The following CREB3L2 variants were observed in gnomAD, a reference collection of about 807,000 sequenced individuals.
CREB3L2 encodes cAMP responsive element binding protein 3 like 2.
A neutral mutation model predicts 57.2 loss-of-function variants in CREB3L2; 23 were observed. The observed-to-expected ratio is 0.40, with a 90% CI of 0.29 to 0.57. The LOEUF (loss-of-function observed/expected upper bound fraction) is 0.57, where lower values mean the gene tolerates loss of function less well. CREB3L2 is among the 20% of genes least tolerant of loss of function. The probability of loss-of-function intolerance (pLI) is 0.42; values close to 1 mark genes in which losing one functional copy is unlikely to be tolerated. For synonymous variants in CREB3L2, 268 were observed against 265.1 expected (o/e 1.01, Z -0.11); for missense variants, 628 against 634.7 (o/e 0.99, Z 0.11).
chr7:137,930,394 A>C (rs1800590332), intron 1 of CREB3L2, among the ~76,000 whole-genome samples: 1 of 152,230 alleles, frequency 6.6e-6, no homozygotes, highest in African/African-American at 2.4e-5. Flanking sequence ...TGGGGTAAGC[A>C]ATACAATTCT....
At chr7:137,894,034 G>A (rs1017401050) in intron 8 of CREB3L2, among the ~76,000 whole-genome samples, 3 of 152,226 alleles carry the variant, frequency 2.0e-5, no homozygotes, top group African/African-American at 7.2e-5. Context: ...GAGAGAGACA[G>A]TCTCTTGGGT....
At chr7:137,985,929 T>C (rs944994798) in intron 1 of CREB3L2, among the ~76,000 whole-genome samples, 5 of 152,194 alleles carry the variant, frequency 3.3e-5, no homozygotes, top group Non-Finnish European at 1.5e-5. Flanking sequence ...GAGGTCTTAT[T>C]CTATTTACTC....
chr7:137,993,917 C>G (rs1039827481), intron 1 of CREB3L2, among the ~76,000 whole-genome samples: 14 of 152,294 alleles, frequency 9.2e-5, no homozygotes, highest in Admixed American at 2.0e-4. Flanking sequence ...GATAAAATGG[C>G]CCATCTTCTC....
intron 1 of CREB3L2, among the ~76,000 whole-genome samples, chr7:137,955,623 C>T (rs778346083): frequency 9.2e-5 from 14 of 152,170 alleles, no homozygotes; most frequent in Non-Finnish European, 1.5e-4. Flanking sequence ...AAATGTAAAT[C>T]TGCAATCTTG....
intron 1 of CREB3L2, among the ~76,000 whole-genome samples, chr7:137,929,050 A>G (rs965687470): frequency 6.6e-6 from 1 of 152,214 alleles, no homozygotes; most frequent in African/African-American, 2.4e-5. Flanking sequence ...GCCATGCTCA[A>G]AAACATTAGA....
intron 8 of CREB3L2, among the ~76,000 whole-genome samples, chr7:137,895,381 G>C (rs1799608500): frequency 6.6e-6 from 1 of 152,180 alleles, no homozygotes; most frequent in South Asian, 2.1e-4. Flanking sequence ...AGGGCCCCCT[G>C]GGAAACCATC....
rs1013607395 is a variant in CREB3L2, at chr7:137,932,873, G to C, written c.103-4507C>G. ...CTGCCAGAGTTTACCACTTAGGTCA[G>C]TGCTCAAAGTTTTATGTGCAGATAA... On this transcript the variant is annotated intron_variant, in intron 1 of 11. Coordinates refer to ENST00000330387, the MANE Select transcript of CREB3L2 (RefSeq NM_194071.4). Among the ~76,000 whole-genome samples, 3 of 152,240 alleles carry C rather than the reference G, an allele frequency of 2.0e-5. No homozygotes were observed. The East Asian group carries it at 5.8e-4, about 29-fold the overall frequency.
intron 1 of CREB3L2, among the ~76,000 whole-genome samples, chr7:137,952,139 C>A (rs1277920061): frequency 6.6e-6 from 1 of 152,170 alleles, no homozygotes; most frequent in Non-Finnish European, 1.5e-5. Context: ...CCATTAATAT[C>A]TCTGAGAAAA....
In CREB3L2 at chr7:137,927,440, G is replaced by A. The variant is rs537874411; in HGVS notation, c.319+710C>T. On this transcript the variant is annotated intron_variant, in intron 2 of 11. Transcript: ENST00000330387. ...AGGGAAGCAAGGGAGGGAGGGGAAA[G>A]GAAGGAGGAAGGGAGAGAGAAAAAG... Among the ~76,000 whole-genome samples, 31 of 150,096 alleles carry A rather than the reference G, an allele frequency of 2.1e-4. No individual in the cohort carries two copies. In the East Asian group the frequency reaches 6.1e-3, roughly 29 times the overall value.
intron 7 of CREB3L2, among the ~76,000 whole-genome samples, chr7:137,903,427 C>A (rs1054455222): frequency 7.9e-5 from 12 of 151,980 alleles, no homozygotes; most frequent in Admixed American, 1.3e-4. Context: ...CTTTTTCTAA[C>A]AGCCCGCCTG....
intron 5 of CREB3L2, among the ~76,000 whole-genome samples, chr7:137,906,133 G>C (rs543852961): frequency 2.0e-5 from 3 of 152,148 alleles, no homozygotes; most frequent in Non-Finnish European, 4.4e-5. Flanking sequence ...GCTAAAACAT[G>C]AAAAGAAAAA....
At chr7:137,997,708 T>A (rs1802010014) in intron 1 of CREB3L2, among the ~76,000 whole-genome samples, 1 of 149,970 alleles carries the variant, frequency 6.7e-6, no homozygotes, top group Admixed American at 6.7e-5. Context: ...AGTCTGGGTG[T>A]CAGAACAAGA....
At chr7:137,936,871 A>AG (rs1371876014) in intron 1 of CREB3L2, among the ~76,000 whole-genome samples, 10 of 152,224 alleles carry the variant, frequency 6.6e-5, no homozygotes, top group Non-Finnish European at 1.3e-4. Flanking sequence ...GGAGCTACGA[A>AG]GGTTTTTCAA....
chr7:137,934,942 T>C (rs1219428635), intron 1 of CREB3L2, among the ~76,000 whole-genome samples: 1 of 152,220 alleles, frequency 6.6e-6, no homozygotes. Context: ...CCCCATTATC[T>C]TAAGATTCTG....
At chr7:137,926,827 T>C (rs899652528) in intron 2 of CREB3L2, among the ~76,000 whole-genome samples, 2 of 152,148 alleles carry the variant, frequency 1.3e-5, no homozygotes, top group Non-Finnish European at 1.5e-5. Flanking sequence ...AATAGCTGGC[T>C]ATCCCTCTAG....
chr7:137,962,189 G>T (rs1801334603), intron 1 of CREB3L2, among the ~76,000 whole-genome samples: 1 of 152,178 alleles, frequency 6.6e-6, no homozygotes, highest in Non-Finnish European at 1.5e-5. Flanking sequence ...AAGCAGCACA[G>T]ACCATTGCTT....
chr7:137,880,303 G>A lies in CREB3L2; in HGVS notation c.*173C>T. On this transcript the variant is annotated 3_prime_UTR_variant, in exon 12 of 12. Coordinates refer to ENST00000330387, the MANE Select transcript of CREB3L2 (RefSeq NM_194071.4). This position sits in a 1 kb window ranked among gnomAD's most constrained non-coding sequence, Gnocchi z 4.0. ...TGCACAGGAGGGGCATGGACCAGGG[G>A]GAGATGCTCTCTCACTGCAGGGAAG... 1 of 628,232 alleles carries A rather than the reference G, an allele frequency of 1.6e-6. No homozygotes were observed. The highest frequency in any genetic ancestry group is 2.9e-6 in the Non-Finnish European group (1 of 343,492). The allele number at this position is 628,232 out of a possible 1,614,324, so 38.9% of individuals were successfully genotyped here. A position where few individuals can be genotyped will look rare whatever the true frequency, so the allele number is the denominator to read the frequency against.
At chr7:137,901,315 A>C (rs761363053) in intron 8 of CREB3L2, 39 bp downstream of exon 8, 1 of 1,245,096 alleles carries the variant, frequency 8.0e-7, no homozygotes, top group Non-Finnish European at 1.2e-6. Flanking sequence ...CCCATCTTCC[A>C]TTGGTAGCGC....
intron 8 of CREB3L2, among the ~76,000 whole-genome samples, chr7:137,892,093 T>G (rs967130899): frequency 1.3e-5 from 2 of 152,154 alleles, no homozygotes; most frequent in Non-Finnish European, 2.9e-5. Flanking sequence ...ATGAACCATT[T>G]GTGGGTTTGT....
Sources: allele counts gnomAD v4.1 joint callset (sites outside exome capture counted in the v4.1 genomes callset), GRCh38; gene constraint gnomAD v4.1.1; non-coding constraint Gnocchi (gnomAD v3.1); transcripts MANE v1.5; gene names NCBI Gene and HGNC (gene_info 2026-07-23, HGNC 2026-07-21).